Variants in MYLK4 observed in about 807,000 individuals in gnomAD.
The protein encoded by MYLK4 is myosin light chain kinase family member 4, also known as caMLCK like.
Under a neutral mutation model 48.1 loss-of-function variants are expected in MYLK4, and 46 were observed. The ratio of observed to expected loss-of-function variants is 0.96; its 90% confidence interval spans 0.75 to 1.22. The LOEUF (loss-of-function observed/expected upper bound fraction) is 1.22, where lower values mean the gene tolerates loss of function less well. Among genes scored for constraint, MYLK4 ranks in the 50% most tolerant of loss-of-function variants. The probability of loss-of-function intolerance (pLI) is 0.00; values close to 1 mark genes in which losing one functional copy is unlikely to be tolerated. For missense variants in MYLK4, 451 were observed against 486.1 expected (o/e 0.93, Z 0.68); for synonymous variants, 170 against 180.8 (o/e 0.94, Z 0.48).
the MYLK4 span, among the ~76,000 whole-genome samples, chr6:2,767,297 C>T: frequency 2.6e-5 from 4 of 152,162 alleles, no homozygotes; most frequent in African/African-American, 9.7e-5. Flanking sequence ...TGCTTTTATC[C>T]ATAATAAGGG....
intron 2 of MYLK4, among the ~76,000 whole-genome samples, chr6:2,737,143 T>A (rs1241940081): frequency 6.6e-6 from 1 of 152,028 alleles, no homozygotes; most frequent in Non-Finnish European, 1.5e-5. Context: ...TGAAACCCCA[T>A]CTCTACCAGA....
At chr6:2,752,804 C>G (rs1014063804), upstream of MYLK4, among the ~76,000 whole-genome samples, 1 of 152,176 alleles carries the variant, frequency 6.6e-6, no homozygotes, top group Non-Finnish European at 1.5e-5. Flanking sequence ...TTAATTGTGT[C>G]TACTTGCCCT....
chr6:2,730,392 T>C (rs1763437180), intron 2 of MYLK4, among the ~76,000 whole-genome samples: 1 of 152,210 alleles, frequency 6.6e-6, no homozygotes, highest in Non-Finnish European at 1.5e-5. Context: ...GGCAAGTGGT[T>C]GAACCTGAAA....
At chr6:2,770,229 T>C in the MYLK4 span, 16 of 1,614,106 alleles carry the variant, frequency 9.9e-6, no homozygotes, top group African/African-American at 2.1e-4. Flanking sequence ...TGTCGAGTGA[T>C]TGTTCTTGAG....
the MYLK4 span, among the ~76,000 whole-genome samples, chr6:2,764,260 C>T: frequency 6.6e-6 from 1 of 152,160 alleles, no homozygotes; most frequent in Non-Finnish European, 1.5e-5. Flanking sequence ...AGAAACAACT[C>T]TTAACCAGCC....
chr6:2,710,889 T>C (rs1599908), intron 2 of MYLK4, among the ~76,000 whole-genome samples: 29,977 of 152,240 alleles, frequency 0.2, 3,256 homozygotes, highest in African/African-American at 0.28. Context: ...CTATCACCAA[T>C]AATTTGTTAT....
chr6:2,700,034 T>C (rs992810281), intron 2 of MYLK4, among the ~76,000 whole-genome samples: 1 of 152,228 alleles, frequency 6.6e-6, no homozygotes, highest in African/African-American at 2.4e-5. Context: ...ACACAGATTT[T>C]ATTTTCCCCC....
chr6:2,670,368 AAAACAAAC>A (rs10612556), intron 12 of MYLK4, among the ~76,000 whole-genome samples: 1 of 150,750 alleles, frequency 6.6e-6, no homozygotes, highest in African/African-American at 2.4e-5. Context: ...TCTATCTCAA[AAAACAAAC>A]AAACAAACAA....
At chr6:2,745,924 CA>C (rs1224875872) in intron 2 of MYLK4, among the ~76,000 whole-genome samples, 340 of 119,290 alleles carry the variant, frequency 2.9e-3, no homozygotes, top group Admixed American at 3.5e-3. Flanking sequence ...GAAGCTGTCT[CA>C]AAAAAAAAAA....
chr6:2,768,574 C>T, the MYLK4 span: 1 of 748,562 alleles, frequency 1.3e-6, no homozygotes, highest in South Asian at 2.5e-5. Context: ...GCTCAGCATT[C>T]TTCCGAGGTC....
the MYLK4 span, among the ~76,000 whole-genome samples, chr6:2,767,209 A>T: frequency 6.6e-6 from 1 of 152,208 alleles, no homozygotes; most frequent in Admixed American, 6.5e-5. Flanking sequence ...AAAGCATGTC[A>T]TTGGAAAAAC....
intron 8 of MYLK4, 167 bp from the exon 9 acceptor site, chr6:2,679,575 A>C: frequency 2.3e-6 from 2 of 858,282 alleles, no homozygotes; most frequent in South Asian, 2.9e-5. Flanking sequence ...AAAACTTGTA[A>C]AGAGGCCCCA....
intron 12 of MYLK4, among the ~76,000 whole-genome samples, chr6:2,669,268 G>A (rs1302358119): frequency 6.6e-6 from 1 of 152,230 alleles, no homozygotes; most frequent in African/African-American, 2.4e-5. Context: ...AGCAGAGGCT[G>A]TGTCCAGCTG....
At chr6:2,748,398 T>C (rs1294729520) in intron 2 of MYLK4, among the ~76,000 whole-genome samples, 1 of 152,076 alleles carries the variant, frequency 6.6e-6, no homozygotes, top group African/African-American at 2.4e-5. Flanking sequence ...GGCAAAATGC[T>C]TGATGCTCCC....
At chr6:2,682,695 T>C (rs183019794) in intron 7 of MYLK4, among the ~76,000 whole-genome samples, 2 of 152,154 alleles carry the variant, frequency 1.3e-5, no homozygotes, top group Admixed American at 1.3e-4. Flanking sequence ...TCTCACCTAC[T>C]TGTCCTGATG....
At chr6:2,766,335 A>T in the MYLK4 span, 1 of 1,610,836 alleles carries the variant, frequency 6.2e-7, no homozygotes, top group Admixed American at 1.7e-5. Context: ...ACGCTGCAGG[A>T]TTACTTCGGG....
At chr6:2,683,387 C>CTTTTTTTTTTTTTTT (rs138132269) in intron 6 of MYLK4, among the ~76,000 whole-genome samples, 1 of 86,206 alleles carries the variant, frequency 1.2e-5, no homozygotes, top group Admixed American at 1.5e-4. Flanking sequence ...AACTCCCCAC[C>CTTTTTTTTTTTTTTT]TTTTTGTGTG....
intron 2 of MYLK4, among the ~76,000 whole-genome samples, chr6:2,723,996 C>T (rs375234993): frequency 2.7e-4 from 41 of 152,282 alleles, no homozygotes; most frequent in African/African-American, 9.4e-4. Flanking sequence ...CCTGCCTCAG[C>T]CTCCCAAGTA....
chr6:2,735,662 T>C (rs1763644796), intron 2 of MYLK4, among the ~76,000 whole-genome samples: 1 of 152,120 alleles, frequency 6.6e-6, no homozygotes, highest in Non-Finnish European at 1.5e-5. Flanking sequence ...ACCCATGACA[T>C]AGTATTTATC....
Sources: gnomAD v4.1 joint callset for allele counts (sites outside exome capture counted in the v4.1 genomes callset) on GRCh38, gnomAD v4.1.1 for gene constraint, MANE v1.5 for transcripts, NCBI Gene and HGNC (gene_info 2026-07-23, HGNC 2026-07-21) for gene names.